LRRC49: variants seen among roughly 807,000 people sequenced by gnomAD.
LRRC49 encodes the protein leucine-rich repeat-containing protein 49.
In LRRC49, 50 loss-of-function variants were observed where a neutral mutation model predicts 83.3. The observed-to-expected ratio is 0.60, with a 90% CI of 0.48 to 0.76. LRRC49 has a LOEUF of 0.76. LRRC49 is among the 30% of genes least tolerant of loss of function. The pLI is 0.00. For missense variants in LRRC49, 704 were observed against 809.1 expected, an observed-to-expected ratio of 0.87 and a Z score of 1.58; for synonymous variants, 286 against 283.3, an observed-to-expected ratio of 1.01 and a Z score of -0.10.
chr15:70,891,968 TC>T (rs2033593710), upstream of LRRC49: 1 of 1,613,374 alleles, frequency 6.2e-7, no homozygotes, highest in South Asian at 1.1e-5. Flanking sequence ...TTGGTCTCCC[TC>T]CTCTCCCCTC....
intron 8 of LRRC49, among the ~76,000 whole-genome samples, chr15:70,940,325 C>G (rs975971882): frequency 4.8e-5 from 7 of 145,658 alleles, no homozygotes; most frequent in African/African-American, 1.8e-4. Context: ...AGCGCAATCT[C>G]AGCTCACTGC....
At chr15:70,883,580 T>A (rs2033324246) in intron 2 of LRRC49, among the ~76,000 whole-genome samples, 1 of 152,170 alleles carries the variant, frequency 6.6e-6, no homozygotes. Context: ...TTATACTTTA[T>A]AGAAGTCTCC....
intron 9 of LRRC49, among the ~76,000 whole-genome samples, chr15:70,973,195 G>A (rs1021410990): frequency 6.6e-6 from 1 of 152,270 alleles, no homozygotes; most frequent in African/African-American, 2.4e-5. Flanking sequence ...TGTTGATGTT[G>A]ATGCTATTGC....
chr15:70,864,329 C>G (rs2032864599), intron 1 of LRRC49, among the ~76,000 whole-genome samples: 1 of 151,994 alleles, frequency 6.6e-6, no homozygotes. Flanking sequence ...AATTTGTAGC[C>G]CAGACTGCAC....
chr15:71,049,566 A>G lies in LRRC49; in HGVS notation c.2015A>G (p.Asn672Ser). 1.2e-6 allele frequency: 2 copies of G among 1,614,092 alleles called. No homozygotes were observed. The highest frequency in any genetic ancestry group is 1.7e-6 in the Non-Finnish European group (2 of 1,179,948). The change falls in exon 16 of 16, where the codon AAT becomes AGT. Residue 672 changes from asparagine (N) to serine (S), a missense_variant. Around this residue, in one of 3 missense-constraint regions of LRRC49, gnomAD observed 275 missense variants for 338.0 expected, o/e 0.81. Transcript: ENST00000260382. ...GCAGTCATAGAAATTCGCAATAAAA[A>G]TTCCTATATGAAGCTCTGCCTACAG... ...RDAVIEIRNK[N>S]SYMKLCLQQI... is the part of the protein sequence containing the mutation.
chr15:71,003,659 G>T (rs1482532408), intron 11 of LRRC49, among the ~76,000 whole-genome samples: 2 of 152,124 alleles, frequency 1.3e-5, no homozygotes, highest in African/African-American at 4.8e-5. Flanking sequence ...TAAGTATGAG[G>T]CATAGTTTAG....
rs759373457 is a variant in LRRC49 at position 70,882,770 on chromosome 15, G to A, written c.18+9547G>A. ...AAGAGTCAAAACATACCCACACTAC[G>A]GTGACGGGGCCTTTTCAAAGAAATT... On this transcript the variant is annotated intron_variant, in intron 2 of 16. Coordinates refer to the LRRC49 transcript ENST00000544974. The A allele has an allele frequency of 3.7e-6, 6 of 1,613,936 alleles. No homozygotes were observed. The East Asian group carries it at 6.7e-5, about 18-fold the overall frequency.
chr15:70,959,033 GAATAA>G (rs572620642), intron 8 of LRRC49, among the ~76,000 whole-genome samples: 112 of 152,192 alleles, frequency 7.4e-4, no homozygotes, highest in Non-Finnish European at 1.3e-3. Flanking sequence ...TTTAGTGCCT[GAATAA>G]ATAAAGTATT....
chr15:70,950,377 G>A (rs1353846593), intron 8 of LRRC49, among the ~76,000 whole-genome samples: 1 of 152,148 alleles, frequency 6.6e-6, no homozygotes, highest in Non-Finnish European at 1.5e-5. Flanking sequence ...TCTCCACACT[G>A]CTTTCCACAA....
intron 6 of LRRC49, among the ~76,000 whole-genome samples, chr15:70,914,806 G>A (rs1298027278): frequency 6.6e-6 from 1 of 152,132 alleles, no homozygotes; most frequent in African/African-American, 2.4e-5. Flanking sequence ...GGGAGAGCCT[G>A]CTATTTCTGT....
intron 6 of LRRC49, among the ~76,000 whole-genome samples, chr15:70,915,482 A>G (rs928172681): frequency 3.3e-5 from 5 of 152,160 alleles, no homozygotes; most frequent in African/African-American, 1.2e-4. Context: ...AAAGTTTTCT[A>G]TATTTAAACA....
At chr15:70,983,765 T>C (rs1041364827) in intron 10 of LRRC49, among the ~76,000 whole-genome samples, 2 of 152,172 alleles carry the variant, frequency 1.3e-5, no homozygotes, top group Admixed American at 6.5e-5. Flanking sequence ...ATTAAGTATG[T>C]AAAAATTTAT....
chr15:70,860,293 G>C, intron 1 of LRRC49: 1 of 535,384 alleles, frequency 1.9e-6, no homozygotes, highest in Non-Finnish European at 3.3e-6. Context: ...CAGCCCACCC[G>C]CGGGGGAGTT....
intron 11 of LRRC49, among the ~76,000 whole-genome samples, chr15:71,001,087 T>C (rs1328705746): frequency 1.2e-4 from 18 of 152,200 alleles, no homozygotes; most frequent in Admixed American, 1.2e-3. Context: ...CTTTACCACA[T>C]TGAGATTTTA....
At chr15:70,911,881 A>G (rs543475860) in intron 6 of LRRC49, among the ~76,000 whole-genome samples, 2 of 152,264 alleles carry the variant, frequency 1.3e-5, no homozygotes, top group African/African-American at 4.8e-5. Flanking sequence ...TCCAAGACCT[A>G]GAATATTACT....
chr15:70,873,531 G>T (rs1407196030), intron 2 of LRRC49, among the ~76,000 whole-genome samples: 1 of 152,148 alleles, frequency 6.6e-6, no homozygotes, highest in East Asian at 1.9e-4. Context: ...TTCTCTCTGG[G>T]CATGCTTGGC....
chr15:70,945,056 A>G (rs1596050744), intron 8 of LRRC49, among the ~76,000 whole-genome samples: 1 of 152,272 alleles, frequency 6.6e-6, no homozygotes, highest in African/African-American at 2.4e-5. Context: ...CAAATACTCA[A>G]GAGACCCCTA....
At chr15:70,948,290 C>T (rs2036084085) in intron 8 of LRRC49, among the ~76,000 whole-genome samples, 1 of 152,128 alleles carries the variant, frequency 6.6e-6, no homozygotes, top group Non-Finnish European at 1.5e-5. Flanking sequence ...TAAGCACACA[C>T]ATACCTCTGC....
chr15:70,860,205 C>T (rs749704928), intron 1 of LRRC49: 53 of 614,568 alleles, frequency 8.6e-5, no homozygotes, highest in Middle Eastern at 4.5e-4. Context: ...CCTGCGGCTG[C>T]CCCAGGGCCC....
Sources: gnomAD v4.1 joint callset for allele counts (sites outside exome capture counted in the v4.1 genomes callset) on GRCh38, gnomAD v4.1.1 for gene constraint, gnomAD v4.1.1 regional missense constraint, MANE v1.5 for transcripts, NCBI Gene and HGNC (gene_info 2026-07-23, HGNC 2026-07-21) for gene names.